The following TXNRD3 variants were observed in gnomAD, a reference collection of about 807,000 sequenced individuals.
The protein encoded by TXNRD3 is thioredoxin reductase 3.
Under a neutral mutation model 78.2 loss-of-function variants are expected in TXNRD3, and 68 were observed. The observed-to-expected ratio is 0.87, with a 90% CI of 0.72 to 1.06. TXNRD3 has a LOEUF of 1.06. Among genes scored for constraint, TXNRD3 ranks in the 50% least tolerant of loss-of-function variants. The pLI, the probability that TXNRD3 is intolerant of heterozygous loss-of-function variation, is 0.00. For missense variants in TXNRD3, 751 were observed against 809.5 expected, an observed-to-expected ratio of 0.93 and a Z score of 0.88; for synonymous variants, 296 against 300.1, an observed-to-expected ratio of 0.99 and a Z score of 0.14.
chr3:126,623,416 C>T (rs955443587), intron 10 of TXNRD3, among the ~76,000 whole-genome samples: 6 of 152,150 alleles, frequency 3.9e-5, no homozygotes, highest in South Asian at 2.1e-4. Context: ...CACAAGCCAA[C>T]GCTCCTCATG....
chr3:126,634,162 G>T, intron 6 of TXNRD3, 111 bp from the exon 7 acceptor site: 1 of 944,114 alleles, frequency 1.1e-6, no homozygotes, highest in Non-Finnish European at 1.4e-6. Flanking sequence ...TCAAGAAGTA[G>T]ACAATCAGTA....
At chr3:126,615,750 C>T (rs1938304297) in intron 12 of TXNRD3, among the ~76,000 whole-genome samples, 1 of 152,172 alleles carries the variant, frequency 6.6e-6, no homozygotes, top group South Asian at 2.1e-4. Context: ...GAGGTGGTGC[C>T]ATCCATCTGC....
chr3:126,625,955 T>C (rs1559773983), intron 10 of TXNRD3: 1 of 152,712 alleles, frequency 6.5e-6, no homozygotes. Context: ...GAATGGAAAA[T>C]CAAGACAGAT....
intron 12 of TXNRD3, among the ~76,000 whole-genome samples, 179 bp from the exon 13 acceptor site, chr3:126,615,641 A>T (rs925368181): frequency 2.6e-5 from 4 of 152,176 alleles, no homozygotes; most frequent in Non-Finnish European, 4.4e-5. Flanking sequence ...TGGGCCCCTG[A>T]CTCAGGGGAA....
In TXNRD3 at chr3:126,621,744, T is replaced by C; in HGVS notation, c.1522A>G (p.Lys508Glu). ...CTCAAAAACAGTAAGAAACTTACCTTTTCTAAAGAGGCCCCAAAAAGTCTC... is the reference window on the plus strand; with the variant it reads ...CTCAAAAACAGTAAGAAACTTACCTCTTCTAAAGAGGCCCCAAAAAGTCTC... The change falls in exon 12 of 16, where the codon AAG becomes GAG. Residue 508 changes from lysine to glutamate, a missense_variant and splice_region_variant. By Grantham distance (56) the Lys-to-Glu change is moderately conservative. Coordinates refer to ENST00000524230, the MANE Select transcript of TXNRD3 (RefSeq NM_052883.3). 2.0e-6 allele frequency: 3 copies of C among 1,506,276 alleles called. No homozygotes were observed. The highest frequency in any genetic ancestry group is 2.6e-6 in the Non-Finnish European group (3 of 1,137,676). The allele number at this position is 1,506,276 out of a possible 1,614,324, so 93.3% of individuals were successfully genotyped here.
chr3:126,637,932 C>CTCTTTTTTTTTTTTTTTTTTTTTTTTTT (rs1444254294), intron 6 of TXNRD3, among the ~76,000 whole-genome samples: 2 of 60,234 alleles, frequency 3.3e-5, no homozygotes, highest in Non-Finnish European at 5.7e-5. Flanking sequence ...ATTTCTCTCT[C>CTCTTTTTTTTTTTTTTTTTTTTTTTTTT]TTTTTTTTTT....
chr3:126,607,053 C>T lies in TXNRD3; in HGVS notation c.*852G>A, dbSNP rs890715836. On this transcript the variant is annotated 3_prime_UTR_variant, in exon 16 of 16. Coordinates refer to ENST00000524230, the MANE Select transcript of TXNRD3 (RefSeq NM_052883.3). ...ATTCCCATGCAACCACTTAATATTA[C>T]CTGTATTCATTTATGGAACTTTATC... 4 of 152,152 alleles carry T rather than the reference C, an allele frequency of 2.6e-5. No homozygotes were observed. Among genetic ancestry groups the T allele is most frequent in the Non-Finnish European group, 5.9e-5 (4 of 68,044 alleles). The allele number at this position is 152,152 out of a possible 1,614,324, so 9.4% of individuals were successfully genotyped here. A position where few individuals can be genotyped will look rare whatever the true frequency, so the allele number is the denominator to read the frequency against.
chr3:126,615,236 G>A (rs1408346771), intron 13 of TXNRD3, 119 bp downstream of exon 13: 3 of 485,188 alleles, frequency 6.2e-6, no homozygotes, highest in African/African-American at 6.0e-5. Flanking sequence ...ATAGGAATAT[G>A]ATTTCCTACA....
In TXNRD3 at chr3:126,654,984, G is replaced by A. The variant is rs999942067; in HGVS notation, c.7C>T (p.Arg3Trp). The change falls in exon 1 of 16, where the codon CGG becomes TGG. Residue 3 changes from arginine (R) to tryptophan (W), a missense_variant. Transcript: ENST00000524230. ...GGCCCGGGCGACTGCGGCGGCGACC[G>A]CTCCAGAGTCTCGCTCTCGCTCCTG... 7.7e-7 allele frequency: 1 copy of A among 1,301,582 alleles called. No individual in the cohort carries two copies. Among genetic ancestry groups the A allele is most frequent in the Non-Finnish European group, 9.7e-7 (1 of 1,029,264 alleles). The allele number at this position is 1,301,582 out of a possible 1,614,324, so 80.6% of individuals were successfully genotyped here.
Position 126,647,304 on chromosome 3 carries a change from A to C in TXNRD3, c.244-8T>G. 6.5e-7 allele frequency: 1 copy of C among 1,534,014 alleles called. No homozygotes were observed. The highest frequency in any genetic ancestry group is 2.4e-5 in the East Asian group (1 of 40,868). On this transcript the variant is annotated splice_region_variant and splice_polypyrimidine_tract_variant and intron_variant, in intron 1 of 15. Coordinates refer to ENST00000524230, the MANE Select transcript of TXNRD3 (RefSeq NM_052883.3). ...AGAAAAGAGTTCTTTCACCTGTAAAAAAAATTTAGCTAAGTTTCACTCTCA... is the reference window on the plus strand; with the variant it reads ...AGAAAAGAGTTCTTTCACCTGTAAACAAAATTTAGCTAAGTTTCACTCTCA...
At chr3:126,649,327 A>T (rs1933317931) in intron 1 of TXNRD3, among the ~76,000 whole-genome samples, 1 of 152,236 alleles carries the variant, frequency 6.6e-6, no homozygotes, top group Non-Finnish European at 1.5e-5. Flanking sequence ...CATTATTTTT[A>T]AAAACAAAGA....
chr3:126,646,584 T>C (rs1255294915), intron 2 of TXNRD3, among the ~76,000 whole-genome samples: 4 of 152,224 alleles, frequency 2.6e-5, no homozygotes, highest in African/African-American at 9.6e-5. Context: ...AAAATGTTTA[T>C]GGTCATAGTC....
Position 126,630,751 on chromosome 3 carries a change from C to A in TXNRD3, c.1158G>T (p.Gln386His), listed in dbSNP as rs756705935. The change falls in exon 9 of 16, where the codon CAG (glutamine) becomes CAT (histidine). Residue 386 changes from glutamine (Q) to histidine (H), a missense_variant. Coordinates refer to ENST00000524230, the MANE Select transcript of TXNRD3 (RefSeq NM_052883.3). ...ATTTCCGTAGGAACTTCACACCATG[C>A]TGCTCCATGTAGGAACCCACTTTTT... 1.3e-6 allele frequency: 2 copies of A among 1,534,412 alleles called. No individual in the cohort carries two copies. The highest frequency in any genetic ancestry group is 2.4e-5 in the South Asian group (2 of 83,978).
chr3:126,607,797 C>T lies in TXNRD3; in HGVS notation c.*108G>A, dbSNP rs995414927. On this transcript the variant is annotated 3_prime_UTR_variant, in exon 16 of 16. Coordinates refer to ENST00000524230, the MANE Select transcript of TXNRD3 (RefSeq NM_052883.3). ...TGTCGTAAGACAGCCCTGCACTGGT[C>T]CCTGAGTAACAGAGCAGCTGTCATG... The T allele has an allele frequency of 8.3e-5, 71 of 857,792 alleles. No homozygotes were observed. The East Asian group carries it at 1.6e-3, about 20-fold the overall frequency. 53.1% of individuals were successfully genotyped at this position (857,792 alleles called of 1,614,324 possible).
chr3:126,632,437 T>C (rs777780032), intron 7 of TXNRD3, among the ~76,000 whole-genome samples: 3 of 151,868 alleles, frequency 2.0e-5, no homozygotes, highest in Non-Finnish European at 4.4e-5. Context: ...GGAAGGCAGA[T>C]CACAAGGTCA....
At chr3:126,636,321 C>A (rs1284473201) in intron 6 of TXNRD3, among the ~76,000 whole-genome samples, 2 of 152,104 alleles carry the variant, frequency 1.3e-5, no homozygotes, top group Non-Finnish European at 2.9e-5. Context: ...TTTATTACTT[C>A]TTTTCCAATC....
At chr3:126,620,211 C>T (rs1938416909) in intron 12 of TXNRD3, among the ~76,000 whole-genome samples, 1 of 149,368 alleles carries the variant, frequency 6.7e-6, no homozygotes, top group Non-Finnish European at 1.5e-5. Context: ...AGGAGAATGG[C>T]ATGAACCCAG....
chr3:126,654,847 C>A lies in TXNRD3; in HGVS notation c.144G>T (p.Ser48=). The A allele has an allele frequency of 3.7e-6, 5 of 1,366,820 alleles. No homozygotes were observed. Among genetic ancestry groups the A allele is most frequent in the Non-Finnish European group, 4.7e-6 (5 of 1,065,432 alleles). The allele number at this position is 1,366,820 out of a possible 1,614,324, so 84.7% of individuals were successfully genotyped here. Residue 48 remains serine, a synonymous_variant, in exon 1 of 16, where the codon TCG becomes TCT. Coordinates refer to ENST00000524230, the MANE Select transcript of TXNRD3 (RefSeq NM_052883.3). ...GGCGCAGCTCCTCGCGGGCCTCGGA[C>A]GAGCGGCTGGGCCCGGGGGACGACA...
intron 14 of TXNRD3, 60 bp from the exon 15 acceptor site, chr3:126,608,693 C>A: frequency 6.9e-7 from 1 of 1,459,216 alleles, no homozygotes. Context: ...AATATGGATC[C>A]ATTCACTGCA....
Sources: allele counts gnomAD v4.1 joint callset (sites outside exome capture counted in the v4.1 genomes callset), GRCh38; gene constraint gnomAD v4.1.1; transcripts MANE v1.5; gene names NCBI Gene and HGNC (gene_info 2026-07-23, HGNC 2026-07-21).